MED14: variants seen among roughly 807,000 people sequenced by gnomAD.
MED14 encodes mediator of RNA polymerase II transcription subunit 14.
A neutral mutation model predicts 109.0 loss-of-function variants in MED14; 8 were observed. The observed-to-expected ratio is 0.07, with a 90% CI of 0.04 to 0.13. MED14 has a LOEUF of 0.13. MED14 is among the 10% of genes least tolerant of loss of function. The pLI, the probability that MED14 is intolerant of heterozygous loss-of-function variation, is 1.00. For synonymous variants in MED14, 399 were observed against 408.7 expected, an observed-to-expected ratio of 0.98 and a Z score of 0.29; for missense variants, 711 against 1,142.4, an observed-to-expected ratio of 0.62 and a Z score of 5.44.
chrX:40,710,514 T>C (rs893157822), intron 8 of MED14, among the ~76,000 whole-genome samples: 7 of 110,851 alleles, frequency 6.3e-5, no homozygotes, highest in African/African-American at 2.3e-4. Context: ...GAATTGAGAG[T>C]TACAAACAGT....
At chrX:40,682,499 G>A in intron 18 of MED14, 104 bp downstream of exon 18, 1 of 654,567 alleles carries the variant, frequency 1.5e-6, no homozygotes, top group Non-Finnish European at 2.2e-6. Flanking sequence ...GATATACTTT[G>A]ATTTTTTTGC....
intron 15 of MED14, 115 bp downstream of exon 15, chrX:40,692,068 G>T: frequency 1.5e-6 from 1 of 659,334 alleles, no homozygotes; most frequent in South Asian, 3.6e-5. Flanking sequence ...CTCCCAAAAT[G>T]AACAGGATCA....
At chrX:40,674,884 C>T (rs999935284) in intron 22 of MED14, among the ~76,000 whole-genome samples, 2 of 112,455 alleles carry the variant, frequency 1.8e-5, no homozygotes, top group African/African-American at 6.5e-5. Context: ...GACATTTAGT[C>T]TACTGTGCTC....
chrX:40,704,752 T>C (rs779209355), intron 10 of MED14, among the ~76,000 whole-genome samples: 14 of 112,080 alleles, frequency 1.2e-4, no homozygotes, highest in Middle Eastern at 4.6e-3. Context: ...GCAGAAGACA[T>C]ATTTAATTAG....
chrX:40,651,145 GTTTTTGGTCAAA>G lies in MED14; in HGVS notation c.*649_*660del. On this transcript the variant is annotated 3_prime_UTR_variant, in exon 31 of 31. Transcript: ENST00000324817. The stretch of plus-strand genomic sequence containing the variant: ...ATATTAACCTTGACATAAAGAAGAT[GTTTTTGGTCAAA>G]TTTCAGACATGTATTATTATAAATT... 2 of 750,940 alleles carry G rather than the reference GTTTTTGGTCAAA, an allele frequency of 2.7e-6. No homozygotes were observed. Among genetic ancestry groups the G allele is most frequent in the South Asian group, 1.4e-4 (2 of 14,782 alleles). The allele number at this position is 750,940 out of a possible 1,213,427, so 61.9% of individuals were successfully genotyped here.
Position 40,692,777 on chromosome X carries a change from C to G in MED14, c.1776G>C (p.Lys592Asn). The change falls in exon 14 of 31, where the codon AAG becomes AAC. Residue 592 changes from lysine (K) to asparagine (N), a missense_variant. Lys to Asn is a moderately conservative substitution (Grantham distance 94). Coordinates refer to ENST00000324817, the MANE Select transcript of MED14 (RefSeq NM_004229.4). ...GAAAAACCAAGTCCTGAATGTTTTCCTTGAACTGCTGCAGCAGCAATGCCA... is the reference window on the plus strand; with the variant it reads ...GAAAAACCAAGTCCTGAATGTTTTCGTTGAACTGCTGCAGCAGCAATGCCA... ...PAMALLLQQFKENIQDLVFRT... is the reference protein window; with the variant it reads ...PAMALLLQQFNENIQDLVFRT... 1 of 1,209,613 alleles carries G rather than the reference C, an allele frequency of 8.3e-7. No individual in the cohort carries two copies. Among genetic ancestry groups the G allele is most frequent in the Non-Finnish European group, 1.1e-6 (1 of 895,024 alleles).
At chrX:40,671,810 G>GT (rs761700967) in intron 23 of MED14, 51 bp downstream of exon 23, 1 of 808,645 alleles carries the variant, frequency 1.2e-6, no homozygotes, top group Non-Finnish European at 1.8e-6. Context: ...GTGTGTGTGT[G>GT]TATTTTGGAT....
At chrX:40,656,900 T>A (rs1929072324) in intron 28 of MED14, among the ~76,000 whole-genome samples, 1 of 112,189 alleles carries the variant, frequency 8.9e-6, no homozygotes, top group Admixed American at 9.4e-5. Flanking sequence ...TTATTTTTTA[T>A]TTTTTGAGAC....
intron 1 of MED14, among the ~76,000 whole-genome samples, chrX:40,732,518 C>CAAAA (rs367874034): frequency 1.1e-5 from 1 of 91,887 alleles, no homozygotes; most frequent in African/African-American, 4.0e-5. Context: ...GACTCTGTCT[C>CAAAA]AAAAAAAAAA....
chrX:40,674,366 A>C (rs963675018), intron 22 of MED14, among the ~76,000 whole-genome samples: 4 of 112,265 alleles, frequency 3.6e-5, no homozygotes, highest in Non-Finnish European at 5.6e-5. Flanking sequence ...CAAAGATTTA[A>C]GCACTGGAAA....
chrX:40,723,297 T>C (rs1199641863), intron 3 of MED14, among the ~76,000 whole-genome samples: 1 of 112,009 alleles, frequency 8.9e-6, no homozygotes, highest in Non-Finnish European at 1.9e-5. Context: ...ATGCAATCAG[T>C]GTCAAGTTGT....
chrX:40,654,867 T>G, intron 29 of MED14, 68 bp downstream of exon 29: 2 of 1,137,529 alleles, frequency 1.8e-6, no homozygotes, highest in Non-Finnish European at 2.4e-6. Context: ...TATCCAAAAG[T>G]TGCTCTATTA....
Position 40,654,375 on chromosome X carries a change from G to A in MED14, c.4280C>T (p.Pro1427Leu). The A allele has an allele frequency of 8.3e-7, 1 of 1,210,903 alleles. No homozygotes were observed. Among genetic ancestry groups the A allele is most frequent in the Non-Finnish European group, 1.1e-6 (1 of 894,827 alleles). Residue 1427 changes from proline to leucine, a missense_variant, in exon 30 of 31, where the codon CCA (proline) becomes CTA (leucine). Transcript: ENST00000324817. ...NILKRFAEMN[P>L]PRQGECTIFA... ...TACTGGTCATGTACCTTGTCGTGGTGGATTCATCTCTGCAAACCTCTTCAG... is the reference window on the plus strand; with the variant it reads ...TACTGGTCATGTACCTTGTCGTGGTAGATTCATCTCTGCAAACCTCTTCAG...
chrX:40,657,576 G>A (rs765845663), intron 28 of MED14, among the ~76,000 whole-genome samples: 108 of 111,594 alleles, frequency 9.7e-4, no homozygotes, highest in Non-Finnish European at 1.7e-3. Flanking sequence ...CCAGAACCGT[G>A]AGAGAATAAA....
At chrX:40,652,121 G>A (rs1928901418) in intron 30 of MED14, among the ~76,000 whole-genome samples, 1 of 112,147 alleles carries the variant, frequency 8.9e-6, no homozygotes, top group Non-Finnish European at 1.9e-5. Context: ...TTTGTATTTA[G>A]GAAGATATGT....
rs541987433 is a variant in MED14 at position 40,654,668 on chromosome X, A to C, written c.4099-112T>G. 9.7e-4 allele frequency: 795 copies of C among 817,316 alleles called. No individual in the cohort carries two copies. In the South Asian group the frequency reaches 0.02, roughly 20 times the overall value. The allele number at this position is 817,316 out of a possible 1,213,427, so 67.4% of individuals were successfully genotyped here. ...TTTCAGATTAAGATAAGCAAGCAAA[A>C]GAAAATTACACATGACAAGAAAAGT... On this transcript the variant is annotated intron_variant, in intron 29 of 30. Transcript: ENST00000324817.
intron 16 of MED14, among the ~76,000 whole-genome samples, chrX:40,688,058 T>C (rs1602465700): frequency 9.0e-6 from 1 of 110,891 alleles, no homozygotes; most frequent in African/African-American, 3.3e-5. Flanking sequence ...CTATTAAAAA[T>C]ACACAAAAAC....
At chrX:40,704,467 C>G (rs1263610019) in intron 10 of MED14, among the ~76,000 whole-genome samples, 1 of 112,012 alleles carries the variant, frequency 8.9e-6, no homozygotes, top group Non-Finnish European at 1.9e-5. Context: ...CGATGCAGGC[C>G]TTTCACCAGG....
chrX:40,682,184 C>T (rs981905422), intron 18 of MED14, among the ~76,000 whole-genome samples: 1 of 111,378 alleles, frequency 9.0e-6, no homozygotes, highest in Non-Finnish European at 1.9e-5. Flanking sequence ...GGTTCCAATT[C>T]CAACTCTGCC....
Sources: gnomAD v4.1 joint callset for allele counts (sites outside exome capture counted in the v4.1 genomes callset) on GRCh38, gnomAD v4.1.1 for gene constraint, MANE v1.5 for transcripts, NCBI Gene and HGNC (gene_info 2026-07-23, HGNC 2026-07-21) for gene names.